The following RBFOX3 variants were observed in gnomAD, a reference collection of about 807,000 sequenced individuals.
RBFOX3 encodes RNA binding fox-1 homolog 3, also known as RNA binding protein fox-1 homolog 3.
In RBFOX3, 17 loss-of-function variants were observed where a neutral mutation model predicts 48.7. The ratio of observed to expected loss-of-function variants is 0.35; its 90% CI spans 0.24 to 0.52. RBFOX3 has a LOEUF of 0.52. Among genes scored for constraint, RBFOX3 ranks in the 20% least tolerant of loss-of-function variants. The pLI, the probability that RBFOX3 is intolerant of heterozygous loss-of-function variation, is 0.94. For synonymous variants in RBFOX3, 212 were observed against 209.5 expected, an observed-to-expected ratio of 1.01 and a Z score of -0.10; for missense variants, 382 against 497.5, an observed-to-expected ratio of 0.77 and a Z score of 2.21.
the RBFOX3 span, among the ~76,000 whole-genome samples, chr17:79,664,499 AC>A: frequency 6.6e-6 from 1 of 151,500 alleles, no homozygotes; most frequent in Admixed American, 6.6e-5. Context: ...GGCGCCCACC[AC>A]CTCACCTGGC....
At chr17:79,091,549 C>T (rs1351219936) in intron 14 of RBFOX3, among the ~76,000 whole-genome samples, 1 of 152,184 alleles carries the variant, frequency 6.6e-6, no homozygotes, top group Non-Finnish European at 1.5e-5. Context: ...AGGAGTGGCC[C>T]GCAGGCCACA....
chr17:79,453,560 C>T (rs1265929006), intron 2 of RBFOX3, among the ~76,000 whole-genome samples: 2 of 152,176 alleles, frequency 1.3e-5, no homozygotes, highest in East Asian at 1.9e-4. Context: ...CTGCTGCAGC[C>T]CCACAGCCCC....
At chr17:79,230,311 G>A (rs990638194) in intron 4 of RBFOX3, among the ~76,000 whole-genome samples, 4 of 152,124 alleles carry the variant, frequency 2.6e-5, no homozygotes, top group African/African-American at 7.2e-5. Flanking sequence ...CCAGGCTGGA[G>A]TGCAGTGGTA....
chr17:79,285,163 C>T (rs1163498348), intron 3 of RBFOX3, among the ~76,000 whole-genome samples: 1 of 152,196 alleles, frequency 6.6e-6, no homozygotes, highest in Non-Finnish European at 1.5e-5. Context: ...AGGCACATCG[C>T]AAAGAACAGC....
rs114607080 is a variant in RBFOX3 at position 79,291,513 on chromosome 17, C to T, written c.-74+16211G>A. ...GCAAAAGCTCTTGGTCAGGGATGCT[C>T]CTCCCCTGGGCAGGAAGAATGGGGC... On this transcript the variant is annotated intron_variant, in intron 3 of 14. Transcript: ENST00000693108. Among the ~76,000 whole-genome samples the T allele has an allele frequency of 6.5e-4, 99 of 152,282 alleles. 1 individual carries two copies. The highest frequency in any genetic ancestry group is 2.2e-3 in the African/African-American group (91 of 41,554).
chr17:79,100,835 C>A (rs1016077139), intron 9 of RBFOX3, among the ~76,000 whole-genome samples: 1 of 152,298 alleles, frequency 6.6e-6, no homozygotes, highest in East Asian at 1.9e-4. Context: ...CAGCACTTAG[C>A]GTCGGCAGAT....
intron 3 of RBFOX3, among the ~76,000 whole-genome samples, chr17:79,276,323 G>A (rs1672581433): frequency 6.6e-6 from 1 of 152,206 alleles, no homozygotes; most frequent in Admixed American, 6.5e-5. Context: ...AAAAACCCCT[G>A]AATTGTACAC....
rs751793355 is a variant in RBFOX3, at chr17:79,115,695, G to C, written c.21C>G (p.Pro7=). 7 of 805,862 alleles carry C rather than the reference G, an allele frequency of 8.7e-6. No homozygotes were observed. The highest frequency in any genetic ancestry group is 3.2e-5 in the South Asian group (2 of 61,888). The allele number at this position is 805,862 out of a possible 1,614,324, so 49.9% of individuals were successfully genotyped here. A position where few individuals can be genotyped will look rare whatever the true frequency, so the allele number is the denominator to read the frequency against. The part of the protein sequence containing the change: MAQPYP[P]AQYPPPPQNG... ...TCTGTGGCGGAGGGGGGTACTGGGC[G>C]GGGGGGTAGGGCTGGGCCATCGCTT... The change falls in exon 5 of 15, where the codon CCC becomes CCG. Residue 7 remains proline (P), a synonymous_variant. Coordinates refer to ENST00000693108, the MANE Select transcript of RBFOX3 (RefSeq NM_001350451.2).
chr17:79,598,688 A>G (rs1328984834), intron 1 of RBFOX3: 3 of 152,124 alleles, frequency 2.0e-5, no homozygotes, highest in African/African-American at 7.2e-5. Flanking sequence ...AGACGCAGGG[A>G]CCGTGCAAGT....
chr17:79,596,156 T>G (rs944693848), intron 1 of RBFOX3, among the ~76,000 whole-genome samples: 1 of 152,196 alleles, frequency 6.6e-6, no homozygotes, highest in Non-Finnish European at 1.5e-5. Flanking sequence ...TCAGAGGCAG[T>G]CTGCTCTATT....
chr17:79,167,696 G>A (rs75818905), intron 4 of RBFOX3, among the ~76,000 whole-genome samples: 4,707 of 152,240 alleles, frequency 0.031, 240 homozygotes, highest in African/African-American at 0.11. Context: ...CCCGCCACCC[G>A]TCTAGATTCC....
chr17:79,511,928 C>A (rs1316902242), intron 1 of RBFOX3, among the ~76,000 whole-genome samples: 2 of 144,676 alleles, frequency 1.4e-5, no homozygotes, highest in African/African-American at 2.6e-5. Flanking sequence ...CACCCGGATA[C>A]GTGTTACCAT....
chr17:79,302,908 C>T (rs1260303400), intron 3 of RBFOX3, among the ~76,000 whole-genome samples: 1 of 152,146 alleles, frequency 6.6e-6, no homozygotes, highest in Non-Finnish European at 1.5e-5. Flanking sequence ...CTAAGTTGTT[C>T]ACTTTAAAAG....
chr17:79,448,019 G>A (rs947317354), intron 2 of RBFOX3, among the ~76,000 whole-genome samples: 6 of 152,154 alleles, frequency 3.9e-5, no homozygotes, highest in African/African-American at 9.7e-5. Context: ...ATGTGAAGAC[G>A]TGCCTGCTTC....
intron 1 of RBFOX3, among the ~76,000 whole-genome samples, chr17:79,486,692 A>G (rs1323652809): frequency 6.6e-6 from 1 of 152,154 alleles, no homozygotes; most frequent in African/African-American, 2.4e-5. Flanking sequence ...AAGGCTGGCT[A>G]TGGGTGGCAG....
At chr17:79,583,694 C>CCA (rs1380295956) in intron 1 of RBFOX3, among the ~76,000 whole-genome samples, 1 of 152,170 alleles carries the variant, frequency 6.6e-6, no homozygotes, top group Admixed American at 6.5e-5. Flanking sequence ...CCAGGAGGTA[C>CCA]GGTGGCTCTG....
At chr17:79,656,190 G>T in the RBFOX3 span, among the ~76,000 whole-genome samples, 11 of 152,302 alleles carry the variant, frequency 7.2e-5, no homozygotes, top group Non-Finnish European at 1.3e-4. Flanking sequence ...TGCTGTCAAG[G>T]GTCAGGAGGT....
intron 4 of RBFOX3, among the ~76,000 whole-genome samples, chr17:79,146,552 C>G (rs760230195): frequency 1.2e-4 from 18 of 152,214 alleles, no homozygotes; most frequent in Non-Finnish European, 2.2e-4. Flanking sequence ...ACATGCCATC[C>G]TGGTTCCAGG....
chr17:79,280,856 G>GGGGGGGGCA (rs1362963995), intron 3 of RBFOX3, among the ~76,000 whole-genome samples: 1 of 133,988 alleles, frequency 7.5e-6, no homozygotes, highest in Non-Finnish European at 1.6e-5. Context: ...GGGGGGAGGG[G>GGGGGGGGCA]AGGGTCTCCT....
Sources: gnomAD v4.1 joint callset for allele counts (sites outside exome capture counted in the v4.1 genomes callset) on GRCh38, gnomAD v4.1.1 for gene constraint, MANE v1.5 for transcripts, NCBI Gene and HGNC (gene_info 2026-07-23, HGNC 2026-07-21) for gene names.